FAM219B: variants seen among roughly 807,000 people sequenced by gnomAD.
The protein encoded by FAM219B is protein FAM219B.
A neutral mutation model predicts 19.9 loss-of-function variants in FAM219B; 18 were observed. The observed-to-expected ratio is 0.91, with a 90% CI of 0.63 to 1.34. The LOEUF (loss-of-function observed/expected upper bound fraction) is 1.34. Ranked by LOEUF, FAM219B falls within the 40% of genes most tolerant of loss-of-function variation. The pLI is 0.00. For synonymous variants in FAM219B, 123 were observed against 117.5 expected, an observed-to-expected ratio of 1.05 and a Z score of -0.30; for missense variants, 283 against 270.5, an observed-to-expected ratio of 1.05 and a Z score of -0.32.
At position 74,901,536 on chromosome 15, in the gene FAM219B, T is replaced by A. The variant is rs1408997478; in HGVS notation, c.*1083A>T. ...TGCTGTGACCAGAAGAATCTGGCAA[T>A]AGAATGGTCCATGCTGGAGTGAAGG... is the stretch of plus-strand genomic sequence containing the variant. On this transcript the variant is annotated 3_prime_UTR_variant, in exon 5 of 5. Transcript: ENST00000357635. 1 of 152,090 alleles carries A rather than the reference T, an allele frequency of 6.6e-6. No individual in the cohort carries two copies. Among genetic ancestry groups the A allele is most frequent in the Non-Finnish European group, 1.5e-5 (1 of 68,044 alleles). 9.4% of individuals were successfully genotyped at this position (152,090 alleles called of 1,614,324 possible). A position where few individuals can be genotyped will look rare whatever the true frequency, so the allele number is the denominator to read the frequency against.
downstream of FAM219B, chr15:74,899,637 A>G (rs1489803979): frequency 6.6e-6 from 1 of 152,056 alleles, no homozygotes; most frequent in African/African-American, 2.4e-5. Context: ...CTTAACTTTT[A>G]TTTTTTTGAG....
downstream of FAM219B, chr15:74,898,142 G>A (rs1321473483): frequency 2.9e-6 from 1 of 350,562 alleles, no homozygotes; most frequent in Admixed American, 3.8e-5. Flanking sequence ...CTCAGCTGCA[G>A]AGGAGGAAAG....
At position 74,906,314 on chromosome 15, in the gene FAM219B, C is replaced by T; in HGVS notation, c.266G>A (p.Gly89Glu). 1 of 1,613,638 alleles carries T rather than the reference C, an allele frequency of 6.2e-7. No homozygotes were observed. Among genetic ancestry groups the T allele is most frequent in the Non-Finnish European group, 8.5e-7 (1 of 1,179,950 alleles). ...AGAGTCTGGGCGGTTCGGCGAGGCC[C>T]CCAGCATGCCTTTTCTCCGCAGAAC... ...KAVLRRKGMLGASPNRPDSSG... is the reference protein window; with the variant it reads ...KAVLRRKGMLEASPNRPDSSG... The change falls in exon 2 of 5, where the codon GGG (glycine) becomes GAG (glutamate). Residue 89 changes from glycine to glutamate, a missense_variant. Transcript: ENST00000357635.
chr15:74,899,660 ACT>A (rs1404676904), downstream of FAM219B: 1 of 152,188 alleles, frequency 6.6e-6, no homozygotes, highest in African/African-American at 2.4e-5. Flanking sequence ...GGAGTCTCGC[ACT>A]GTCTCCCGGG....
In FAM219B at chr15:74,902,051, A is replaced by G; in HGVS notation, c.*568T>C. 2.5e-6 allele frequency: 1 copy of G among 398,594 alleles called. No homozygotes were observed. The highest frequency in any genetic ancestry group is 4.4e-6 in the Non-Finnish European group (1 of 226,022). The allele number at this position is 398,594 out of a possible 1,614,324, so 24.7% of individuals were successfully genotyped here. On this transcript the variant is annotated 3_prime_UTR_variant, in exon 5 of 5. Coordinates refer to ENST00000357635, the MANE Select transcript of FAM219B (RefSeq NM_020447.5). Reference sequence around the variant, plus strand: ...ACCTGCTATGATCCCTGTCATAGTTAGACAGGTGCAACCTGAAGAGGGACA... The same window carrying G: ...ACCTGCTATGATCCCTGTCATAGTTGGACAGGTGCAACCTGAAGAGGGACA...
intron 2 of FAM219B, chr15:74,905,827 TG>T (rs934446153): frequency 6.0e-6 from 1 of 167,616 alleles, no homozygotes; most frequent in African/African-American, 2.4e-5. Context: ...TGCAAGTCTT[TG>T]GGTAAAAGGT....
At position 74,901,076 on chromosome 15, in the gene FAM219B, AAAGC is replaced by A. The variant is rs1190984058; in HGVS notation, c.*1539_*1542del. The A allele has an allele frequency of 6.6e-6, 1 of 152,230 alleles. No individual in the cohort carries two copies. The highest frequency in any genetic ancestry group is 1.5e-5 in the Non-Finnish European group (1 of 68,038). 9.4% of individuals were successfully genotyped at this position (152,230 alleles called of 1,614,324 possible). A position where few individuals can be genotyped will look rare whatever the true frequency, so the allele number is the denominator to read the frequency against. On this transcript the variant is annotated 3_prime_UTR_variant, in exon 5 of 5. Coordinates refer to ENST00000357635, the MANE Select transcript of FAM219B (RefSeq NM_020447.5). ...CTCTGGTGGTCACAGGACACTGAGT[AAAGC>A]AAGAGACTGGATACTTTCCCATGTA... is the stretch of plus-strand genomic sequence containing the variant.
intron 2 of FAM219B, 182 bp downstream of exon 2, chr15:74,906,096 C>T (rs1015551386): frequency 2.2e-4 from 140 of 643,678 alleles, no homozygotes; most frequent in Middle Eastern, 8.9e-4. Flanking sequence ...TTTATCTGAT[C>T]CTATCACATC....
At chr15:74,905,083 A>AAAGG (rs1349972743) in intron 3 of FAM219B, 71 bp downstream of exon 3, 3 of 1,608,190 alleles carry the variant, frequency 1.9e-6, no homozygotes, top group Non-Finnish European at 2.5e-6. Flanking sequence ...GGGAACAAGC[A>AAAGG]AAGGCATCAG....
In FAM219B at chr15:74,906,766, C is replaced by G. The variant is rs1395128223; in HGVS notation, c.35G>C (p.Arg12Pro). The G allele has an allele frequency of 3.9e-6, 5 of 1,297,820 alleles. No homozygotes were observed. Among genetic ancestry groups the G allele is most frequent in the Non-Finnish European group, 4.9e-6 (5 of 1,022,184 alleles). 80.4% of individuals were successfully genotyped at this position (1,297,820 alleles called of 1,614,324 possible). Reference sequence around the variant, plus strand: ...GGGCCGGGGTCCCGGGGTAGACAACCGCAACGCGCGCCCGCTGGGCTCCGC... The same window carrying G: ...GGGCCGGGGTCCCGGGGTAGACAACGGCAACGCGCGCCCGCTGGGCTCCGC... ...ATAEPSGRALRLSTPGPRPSG... is the reference protein window; with the variant it reads ...ATAEPSGRALPLSTPGPRPSG... The change falls in exon 1 of 5, where the codon CGG becomes CCG. Residue 12 changes from arginine (R) to proline (P), a missense_variant. Transcript: ENST00000357635.
rs1434998193 is a variant in FAM219B, at chr15:74,902,486, C to G, written c.*133G>C. ...TGGGGGCCTCTGGCCTGAGAAGCAA[C>G]AGGTAAGGGCTACCTGCAGGTCACT... On this transcript the variant is annotated 3_prime_UTR_variant, in exon 5 of 5. Coordinates refer to ENST00000357635, the MANE Select transcript of FAM219B (RefSeq NM_020447.5). 3.5e-5 allele frequency: 30 copies of G among 867,034 alleles called. No individual in the cohort carries two copies. Among genetic ancestry groups the G allele is most frequent in the Non-Finnish European group, 4.4e-5 (27 of 617,144 alleles). The allele number at this position is 867,034 out of a possible 1,614,324, so 53.7% of individuals were successfully genotyped here.
Position 74,906,824 on chromosome 15 carries a change from G to A in FAM219B, c.-24C>T, listed in dbSNP as rs1162289729. On this transcript the variant is annotated 5_prime_UTR_variant, in exon 1 of 5. Transcript: ENST00000357635. ...ATGGCCGGGCCCCGCCCTGCCGGAT[G>A]GTGCAACCCCGCCCGTGGCGAAAGA... The A allele has an allele frequency of 5.6e-6, 7 of 1,250,848 alleles. No homozygotes were observed. The highest frequency in any genetic ancestry group is 1.6e-5 in the African/African-American group (1 of 64,322). The allele number at this position is 1,250,848 out of a possible 1,614,324, so 77.5% of individuals were successfully genotyped here.
chr15:74,904,216 T>C (rs2141243524), intron 4 of FAM219B, among the ~76,000 whole-genome samples: 1 of 152,328 alleles, frequency 6.6e-6, no homozygotes, highest in South Asian at 2.1e-4. Flanking sequence ...AGCATTCAAG[T>C]AAGCACAGAC....
chr15:74,901,673 GCTGTATACCCA>G lies in FAM219B; in HGVS notation c.*935_*945del, dbSNP rs1301398421. 6.5e-6 allele frequency: 1 copy of G among 154,016 alleles called. No individual in the cohort carries two copies. Among genetic ancestry groups the G allele is most frequent in the Non-Finnish European group, 1.4e-5 (1 of 69,340 alleles). The allele number at this position is 154,016 out of a possible 1,614,324, so 9.5% of individuals were successfully genotyped here. ...CTCAGTCTAGGACAAAGCCCACACA[GCTGTATACCCA>G]CTCTCACGAGTCCATTGCTACTTCT... On this transcript the variant is annotated 3_prime_UTR_variant, in exon 5 of 5. Transcript: ENST00000357635.
At chr15:74,905,430 T>G in intron 2 of FAM219B, 199 bp from the exon 3 acceptor site, 1 of 505,616 alleles carries the variant, frequency 2.0e-6, no homozygotes, top group Admixed American at 3.2e-5. Flanking sequence ...TCATTCTTTT[T>G]TTCTTTTTTT....
intron 2 of FAM219B, 107 bp from the exon 3 acceptor site, chr15:74,905,338 T>TG: frequency 9.3e-7 from 1 of 1,079,646 alleles, no homozygotes. Context: ...ACTGCACTAC[T>TG]GACTTGCCTT....
In FAM219B at chr15:74,905,122, CCCAAGGGGGTATTT is replaced by C. The variant is rs1233557718; in HGVS notation, c.380+18_380+31del. Reference sequence around the variant, plus strand: ...ATCTTCAGTCCCAGCCAAGTTGCTTCCCAAGGGGGTATTTCCAAGGGGAGCACTCACCTGTCAGA... The same window carrying C: ...ATCTTCAGTCCCAGCCAAGTTGCTTCCCAAGGGGAGCACTCACCTGTCAGA... On this transcript the variant is annotated intron_variant, in intron 3 of 4. Transcript: ENST00000357635. 5.6e-6 allele frequency: 9 copies of C among 1,613,464 alleles called. No individual in the cohort carries two copies. The highest frequency in any genetic ancestry group is 2.7e-5 in the African/African-American group (2 of 74,900).
In FAM219B at chr15:74,902,528, CTT is replaced by C. The variant is rs1332608550; in HGVS notation, c.*89_*90del. ...CAGGTCACTTTCTAGGGGTCAGTGA[CTT>C]CAGTGCTCACTGCACTGTGTGAGCT... On this transcript the variant is annotated 3_prime_UTR_variant, in exon 5 of 5. Coordinates refer to ENST00000357635, the MANE Select transcript of FAM219B (RefSeq NM_020447.5). 1.5e-5 allele frequency: 20 copies of C among 1,352,218 alleles called. No individual in the cohort carries two copies. The highest frequency in any genetic ancestry group is 1.9e-5 in the Non-Finnish European group (19 of 1,013,340). The allele number at this position is 1,352,218 out of a possible 1,614,324, so 83.8% of individuals were successfully genotyped here.
intron 4 of FAM219B, 143 bp from the exon 5 acceptor site, chr15:74,902,929 G>A (rs2065024072): frequency 1.2e-6 from 1 of 843,450 alleles, no homozygotes; most frequent in Non-Finnish European, 1.8e-6. Context: ...TGGACTACAG[G>A]AGGAAGTACC....
Sources: allele counts gnomAD v4.1 joint callset (sites outside exome capture counted in the v4.1 genomes callset), GRCh38; gene constraint gnomAD v4.1.1; transcripts MANE v1.5; gene names NCBI Gene and HGNC (gene_info 2026-07-23, HGNC 2026-07-21).